AOPEP: variants seen among roughly 807,000 people sequenced by gnomAD.
AOPEP encodes aminopeptidase O (putative), also known as aminopeptidase O.
A neutral mutation model predicts 98.1 loss-of-function variants in AOPEP; 77 were observed. That is an observed-to-expected ratio of 0.78 (90% confidence interval 0.65 to 0.95). AOPEP has a LOEUF of 0.95. Among genes scored for constraint, AOPEP ranks in the 40% least tolerant of loss-of-function variants. The pLI is 0.00. For synonymous variants in AOPEP, 346 were observed against 365.3 expected, an observed-to-expected ratio of 0.95 and a Z score of 0.60; for missense variants, 1,024 against 1,024.7, an observed-to-expected ratio of 1.00 and a Z score of 0.01.
intron 5 of AOPEP, among the ~76,000 whole-genome samples, chr9:94,912,953 A>T (rs1316117558): frequency 6.6e-6 from 1 of 151,746 alleles, no homozygotes; most frequent in African/African-American, 2.4e-5. Flanking sequence ...GAAAGGAAAA[A>T]CCTCTCCAGT....
intron 2 of AOPEP, among the ~76,000 whole-genome samples, chr9:94,769,593 T>A (rs1840398011): frequency 6.6e-6 from 1 of 152,202 alleles, no homozygotes; most frequent in Admixed American, 6.5e-5. Flanking sequence ...GGTGTGGCTT[T>A]TAGATTGCTA....
intron 7 of AOPEP, chr9:94,932,793 C>G (rs1486110899): frequency 3.0e-6 from 3 of 985,260 alleles, no homozygotes; most frequent in East Asian, 2.3e-4. Flanking sequence ...CCAGATGTTT[C>G]TTAGATTGAC....
chr9:95,117,325 T>C, the AOPEP span: 3 of 1,614,124 alleles, frequency 1.9e-6, no homozygotes, highest in Non-Finnish European at 2.5e-6. Context: ...CTTGAGGGTC[T>C]TGCAGCAGCA....
the AOPEP span, among the ~76,000 whole-genome samples, chr9:95,140,476 A>C: frequency 6.6e-6 from 1 of 151,634 alleles, no homozygotes; most frequent in African/African-American, 2.4e-5. Context: ...ATAGCTACAA[A>C]AAAACAAAAC....
At position 94,927,262 on chromosome 9, in the gene AOPEP, T is replaced by A. The variant is rs57480976; in HGVS notation, c.1555-1163T>A. ...GCCCCACTCATGACTTACTTAACCT[T>A]AATGACCTCCTTGAAAGCCTTATCT... On this transcript the variant is annotated intron_variant, in intron 6 of 16. Coordinates refer to ENST00000375315, the MANE Select transcript of AOPEP (RefSeq NM_001193329.3). Among the ~76,000 whole-genome samples, 824 of 152,292 alleles carry A rather than the reference T, an allele frequency of 5.4e-3. 4 individuals are homozygous for A. The highest frequency in any genetic ancestry group is 0.019 in the African/African-American group (793 of 41,546).
intron 9 of AOPEP, among the ~76,000 whole-genome samples, chr9:94,958,497 A>G (rs1481899821): frequency 6.6e-6 from 1 of 152,192 alleles, no homozygotes; most frequent in Non-Finnish European, 1.5e-5. Context: ...GCCATTTTAC[A>G]TTCCCACCAG....
At chr9:94,812,215 G>C (rs929541881) in intron 5 of AOPEP, among the ~76,000 whole-genome samples, 1 of 152,166 alleles carries the variant, frequency 6.6e-6, no homozygotes, top group Non-Finnish European at 1.5e-5. Flanking sequence ...AGTAGGCCCA[G>C]AGCTAGATAT....
chr9:94,932,862 G>C, intron 7 of AOPEP: 1 of 985,220 alleles, frequency 1.0e-6, no homozygotes, highest in Non-Finnish European at 1.2e-6. Flanking sequence ...TAAGTCATTC[G>C]TTAACAGGTT....
intron 10 of AOPEP, among the ~76,000 whole-genome samples, chr9:94,969,399 C>A (rs144788308): frequency 2.5e-4 from 38 of 151,926 alleles, no homozygotes; most frequent in African/African-American, 9.2e-4. Flanking sequence ...AAAGTGAATA[C>A]CCTGAAACAT....
chr9:95,103,824 G>GC, the AOPEP span, among the ~76,000 whole-genome samples: 17 of 152,268 alleles, frequency 1.1e-4, no homozygotes, highest in African/African-American at 3.9e-4. Flanking sequence ...AGATGGGGCT[G>GC]CAGGACCAGT....
intron 5 of AOPEP, among the ~76,000 whole-genome samples, chr9:94,845,566 A>G (rs2042760816): frequency 6.6e-6 from 1 of 152,170 alleles, no homozygotes; most frequent in Non-Finnish European, 1.5e-5. Context: ...TTAAAAAGCT[A>G]ATAGAGAAAT....
intron 3 of AOPEP, among the ~76,000 whole-genome samples, chr9:94,780,563 A>G (rs1337888833): frequency 6.6e-6 from 1 of 152,224 alleles, no homozygotes; most frequent in African/African-American, 2.4e-5. Flanking sequence ...ATCAGAGGAC[A>G]ATCAGGAAAC....
chr9:94,747,191 TTA>T (rs1432823441), intron 1 of AOPEP, among the ~76,000 whole-genome samples: 1 of 152,206 alleles, frequency 6.6e-6, no homozygotes, highest in Non-Finnish European at 1.5e-5. Flanking sequence ...AGAGCACAGT[TTA>T]TCTTATTTAC....
intron 9 of AOPEP, among the ~76,000 whole-genome samples, chr9:94,960,112 T>A (rs2058715888): frequency 6.6e-6 from 1 of 152,232 alleles, no homozygotes; most frequent in Non-Finnish European, 1.5e-5. Flanking sequence ...TATTCACTAC[T>A]GTAAAAGATG....
At chr9:94,945,528 GTCC>G (rs1285367427) in intron 7 of AOPEP, among the ~76,000 whole-genome samples, 1 of 152,118 alleles carries the variant, frequency 6.6e-6, no homozygotes, top group Admixed American at 6.5e-5. Context: ...CTGAGGACTC[GTCC>G]TCTTGTGCAT....
chr9:95,117,461 C>CT, the AOPEP span: 17 of 1,269,562 alleles, frequency 1.3e-5, no homozygotes, highest in Non-Finnish European at 1.9e-5. Context: ...ATACAAAACT[C>CT]TGAGTCCTCT....
intron 5 of AOPEP, among the ~76,000 whole-genome samples, chr9:94,898,803 C>T (rs1490611710): frequency 1.3e-5 from 2 of 150,796 alleles, no homozygotes; most frequent in Non-Finnish European, 2.9e-5. Context: ...ATTAGCAGGG[C>T]GTGGTGGCAG....
At chr9:94,970,240 T>C (rs1465982732) in intron 10 of AOPEP, among the ~76,000 whole-genome samples, 12 of 152,154 alleles carry the variant, frequency 7.9e-5, no homozygotes, top group African/African-American at 2.9e-4. Flanking sequence ...ATGCATACCA[T>C]GTGGAATTAT....
chr9:95,004,005 A>G (rs1327424433), intron 11 of AOPEP: 1 of 306,888 alleles, frequency 3.3e-6, no homozygotes, highest in Admixed American at 4.3e-5. Context: ...TCCATGGCAA[A>G]GTTGCTGCTA....
Sources: gnomAD v4.1 joint callset for allele counts (sites outside exome capture counted in the v4.1 genomes callset) on GRCh38, gnomAD v4.1.1 for gene constraint, MANE v1.5 for transcripts, NCBI Gene and HGNC (gene_info 2026-07-23, HGNC 2026-07-21) for gene names.